The following WDHD1 variants were observed in gnomAD, a reference collection of about 807,000 sequenced individuals.
WDHD1 encodes WD repeat and HMG-box DNA binding protein 1.
Under a neutral mutation model 135.4 loss-of-function variants are expected in WDHD1, and 111 were observed. That is an observed-to-expected ratio of 0.82 (90% CI 0.70 to 0.96). The LOEUF (loss-of-function observed/expected upper bound fraction) is 0.96, where lower values mean the gene tolerates loss of function less well. Ranked by LOEUF, WDHD1 falls within the 40% of genes least tolerant of loss-of-function variation. WDHD1 has a pLI of 0.00. For synonymous variants in WDHD1, 434 were observed against 439.0 expected (o/e 0.99, Z 0.14); for missense variants, 1,351 against 1,336.3 (o/e 1.01, Z -0.17).
At chr14:54,941,767 T>C (rs1203399137) in intron 25 of WDHD1, 77 bp from the exon 26 acceptor site, 4 of 1,275,752 alleles carry the variant, frequency 3.1e-6, no homozygotes, top group Non-Finnish European at 4.3e-6. Flanking sequence ...TATTTACTTT[T>C]CCAGGTAATA....
intron 2 of WDHD1, among the ~76,000 whole-genome samples, chr14:55,013,954 A>G (rs1231710584): frequency 6.6e-6 from 1 of 152,178 alleles, no homozygotes; most frequent in Non-Finnish European, 1.5e-5. Flanking sequence ...GTTTTTTGGA[A>G]TGCTACTTCT....
intron 13 of WDHD1, among the ~76,000 whole-genome samples, chr14:54,988,648 T>C (rs1344502650): frequency 6.6e-6 from 1 of 151,914 alleles, no homozygotes; most frequent in Non-Finnish European, 1.5e-5. Flanking sequence ...GAGAGTAGAA[T>C]TCTGGGAGGA....
In WDHD1 at chr14:54,944,389, T is replaced by C; in HGVS notation, c.3132A>G (p.Ala1044=). 1.2e-6 allele frequency: 2 copies of C among 1,609,344 alleles called. No homozygotes were observed. The highest frequency in any genetic ancestry group is 1.7e-6 in the Non-Finnish European group (2 of 1,179,184). Residue 1044 remains alanine (A), a synonymous_variant, in exon 25 of 26, where the codon GCA becomes GCG. Transcript: ENST00000360586. ...GAATCATTCCTTCTTTTATTATGTC[T>C]GCTTCATCTGAAAAGTCAGGATTGT... ...LSDNPDFSDE[A]DIIKEGMIRF...
At chr14:54,952,187 A>T (rs1595060106) in intron 24 of WDHD1, among the ~76,000 whole-genome samples, 1 of 152,354 alleles carries the variant, frequency 6.6e-6, no homozygotes, top group East Asian at 1.9e-4. Context: ...AATTAGGAAA[A>T]GAGGAAGTCA....
At position 54,962,743 on chromosome 14, in the gene WDHD1, T is replaced by A. The variant is rs2041272357; in HGVS notation, c.2642A>T (p.Lys881Met). 3.7e-6 allele frequency: 6 copies of A among 1,613,692 alleles called. No individual in the cohort carries two copies. In the East Asian group the frequency reaches 1.3e-4, roughly 36 times the overall value. ...ADDEEKPEIH[K>M]PGQNSFSKST... ...GGCTTGAAAATGTATCTCACCAGGC[T>A]TATGTATTTCTGGTTTTTCTTCATC... The change falls in exon 20 of 26, where the codon AAG (lysine) becomes ATG (methionine). Residue 881 changes from lysine to methionine, a missense_variant. By Grantham distance (95) the Lys-to-Met change is moderately conservative. Coordinates refer to ENST00000360586, the MANE Select transcript of WDHD1 (RefSeq NM_007086.4).
chr14:55,004,696 A>T, intron 7 of WDHD1: 1 of 348,044 alleles, frequency 2.9e-6, no homozygotes, highest in Non-Finnish European at 5.6e-6. Context: ...CAACTGATCC[A>T]CCTGTCTCAG....
chr14:54,966,986 A>G (rs2041355688), intron 17 of WDHD1, among the ~76,000 whole-genome samples: 1 of 152,204 alleles, frequency 6.6e-6, no homozygotes, highest in South Asian at 2.1e-4. Flanking sequence ...TTATGGCACA[A>G]AATGTATGGA....
chr14:54,965,128 G>A (rs2041320341), intron 18 of WDHD1, among the ~76,000 whole-genome samples: 1 of 152,146 alleles, frequency 6.6e-6, no homozygotes, highest in Non-Finnish European at 1.5e-5. Context: ...TTAAAAGTCT[G>A]GACCATTCAC....
intron 22 of WDHD1, among the ~76,000 whole-genome samples, 172 bp downstream of exon 22, chr14:54,957,420 T>C (rs189692878): frequency 6.6e-6 from 1 of 152,360 alleles, no homozygotes; most frequent in African/African-American, 2.4e-5. Context: ...CATAGGTACT[T>C]AGAAGGTAAG....
chr14:55,008,932 G>A (rs962235823), intron 4 of WDHD1, among the ~76,000 whole-genome samples: 1 of 152,022 alleles, frequency 6.6e-6, no homozygotes, highest in African/African-American at 2.4e-5. Flanking sequence ...GAGTAGCTGG[G>A]ATTACAGGTG....
rs1566716639 is a variant in WDHD1 at position 54,967,285 on chromosome 14, T to A, written c.2173A>T (p.Met725Leu). 6.2e-7 allele frequency: 1 copy of A among 1,608,936 alleles called. No homozygotes were observed. Among genetic ancestry groups the A allele is most frequent in the South Asian group, 1.1e-5 (1 of 90,744 alleles). The change falls in exon 17 of 26, where the codon ATG (methionine) becomes TTG (leucine). Residue 725 changes from methionine to leucine, a missense_variant. Physicochemically the swap from Met to Leu is conservative, Grantham distance 15. Transcript: ENST00000360586. ...AAGGTAAGACTTCCACATACCTCCA[T>A]TTGTCCTTTCTCTGTTGCAATCTGA... ...YCQIATEKGQ[M>L]EEQFWRSVIF... is the part of the protein sequence containing the mutation.
chr14:55,004,292 A>G (rs1268698742), intron 7 of WDHD1, among the ~76,000 whole-genome samples: 1 of 151,944 alleles, frequency 6.6e-6, no homozygotes, highest in African/African-American at 2.4e-5. Flanking sequence ...ATTTGGTTCT[A>G]TTTATCTCTT....
At chr14:54,952,475 G>A (rs539378384) in intron 24 of WDHD1, among the ~76,000 whole-genome samples, 13 of 152,230 alleles carry the variant, frequency 8.5e-5, no homozygotes, top group African/African-American at 3.1e-4. Context: ...ACAAACCACT[G>A]CTCAATGAAA....
intron 24 of WDHD1, among the ~76,000 whole-genome samples, chr14:54,953,555 G>A (rs112879674): frequency 0.49 from 74,806 of 151,966 alleles, 19,797 homozygotes; most frequent in African/African-American, 0.67. Context: ...ATTGTGGAAG[G>A]CGGTGTGGCG....
chr14:54,973,480 C>A (rs1476582682), intron 16 of WDHD1, among the ~76,000 whole-genome samples: 2 of 152,038 alleles, frequency 1.3e-5, no homozygotes, highest in South Asian at 2.1e-4. Context: ...TTTGAACATA[C>A]AATTTCATTT....
At chr14:55,016,065 G>A (rs997836275) in intron 2 of WDHD1, among the ~76,000 whole-genome samples, 1 of 152,174 alleles carries the variant, frequency 6.6e-6, no homozygotes, top group African/African-American at 2.4e-5. Context: ...GGTGCCAGTT[G>A]GTGGGACCAA....
At chr14:54,956,404 G>T (rs923136680) in intron 23 of WDHD1, among the ~76,000 whole-genome samples, 16 of 152,154 alleles carry the variant, frequency 1.1e-4, no homozygotes, top group Admixed American at 8.5e-4. Context: ...TTGGGAGGCT[G>T]AGGTGGGTGG....
intron 3 of WDHD1, among the ~76,000 whole-genome samples, chr14:55,011,543 A>AAAAAAAAAAAAAAAAAAAAAT (rs2042170197): frequency 6.7e-6 from 1 of 150,262 alleles, no homozygotes; most frequent in African/African-American, 2.4e-5. Context: ...AAAAAAAAAA[A>AAAAAAAAAAAAAAAAAAAAAT]AAAAAAAGTA....
At chr14:55,000,478 A>T in intron 10 of WDHD1, 25 bp downstream of exon 10, 1 of 1,543,358 alleles carries the variant, frequency 6.5e-7, no homozygotes, top group Non-Finnish European at 8.7e-7. Context: ...TTTTGAAGAA[A>T]CTGTTGTACC....
Sources: gnomAD v4.1 joint callset for allele counts (sites outside exome capture counted in the v4.1 genomes callset) on GRCh38, gnomAD v4.1.1 for gene constraint, MANE v1.5 for transcripts, NCBI Gene and HGNC (gene_info 2026-07-23, HGNC 2026-07-21) for gene names.